KCNQ1: variants seen among roughly 807,000 people sequenced by gnomAD.
KCNQ1 encodes potassium voltage-gated channel subfamily Q member 1.
A neutral mutation model predicts 72.4 loss-of-function variants in KCNQ1; 49 were observed. That is an observed-to-expected ratio of 0.68 (90% CI 0.54 to 0.86). The LOEUF is 0.86. Among genes scored for constraint, KCNQ1 ranks in the 40% least tolerant of loss-of-function variants. KCNQ1 has a pLI of 0.00. For missense variants in KCNQ1, 790 were observed against 945.1 expected, an observed-to-expected ratio of 0.84 and a Z score of 2.15; for synonymous variants, 450 against 412.6, an observed-to-expected ratio of 1.09 and a Z score of -1.10.
chr11:2,700,736 C>G (rs995371012), intron 11 of KCNQ1, among the ~76,000 whole-genome samples: 1 of 152,114 alleles, frequency 6.6e-6, no homozygotes, highest in Non-Finnish European at 1.5e-5. Context: ...GAGGGCGCCC[C>G]GCGCCTGCCA....
At position 2,627,374 on chromosome 11, in the gene KCNQ1, C is replaced by A. The variant is rs139835562; in HGVS notation, c.1394-34587C>A. On this transcript the variant is annotated intron_variant, in intron 10 of 15. Transcript: ENST00000155840. This position sits in a 1 kb window ranked among gnomAD's most constrained non-coding sequence, Gnocchi z 4.9. ...AAATTCCAAGTATAGAATATATTAA[C>A]TATAGTCACCAATCTGGACGTTATG... The A allele has an allele frequency of 5.7e-4, 227 of 398,474 alleles. 2 individuals are homozygous for A. In the East Asian group the frequency reaches 7.7e-3, roughly 14 times the overall value. 24.7% of individuals were successfully genotyped at this position (398,474 alleles called of 1,614,324 possible).
rs1195332885 is a variant in KCNQ1, at chr11:2,698,764, G to T, written c.1514+36683G>T. On this transcript the variant is annotated intron_variant, in intron 11 of 15. Coordinates refer to ENST00000155840, the MANE Select transcript of KCNQ1 (RefSeq NM_000218.3). The surrounding 1 kb of genome is among the most constrained non-coding windows in gnomAD (Gnocchi z 5.1). The stretch of plus-strand genomic sequence containing the variant: ...GATCTCAACTCAGAGCCATGATGCA[G>T]ACTCCAGACCGGGATTCAGGTCCCC... The T allele has an allele frequency of 5.0e-6, 2 of 398,702 alleles. No homozygotes were observed. The highest frequency in any genetic ancestry group is 4.4e-6 in the Non-Finnish European group (1 of 226,146). 24.7% of individuals were successfully genotyped at this position (398,702 alleles called of 1,614,324 possible).
chr11:2,737,305 G>A (rs575351191), intron 11 of KCNQ1, among the ~76,000 whole-genome samples: 3 of 152,302 alleles, frequency 2.0e-5, no homozygotes, highest in Non-Finnish European at 4.4e-5. Flanking sequence ...GCTGCCGTGT[G>A]GGTGGATGTC....
intron 15 of KCNQ1, among the ~76,000 whole-genome samples, chr11:2,836,002 C>T (rs532630570): frequency 2.0e-5 from 3 of 151,194 alleles, no homozygotes; most frequent in South Asian, 2.1e-4. Flanking sequence ...TCATAGGAGG[C>T]GGGGCAAAGG....
In KCNQ1 at chr11:2,624,119, G is replaced by A. The variant is rs918577529; in HGVS notation, c.1393+35265G>A. On this transcript the variant is annotated intron_variant, in intron 10 of 15. Transcript: ENST00000155840. This position sits in a 1 kb window ranked among gnomAD's most constrained non-coding sequence, Gnocchi z 4.9. ...TTGAATTTTGGCCATTCTAATAAGC[G>A]TGTAGATATATCACATTTCTTGTTT... 3.3e-5 allele frequency: 13 copies of A among 398,356 alleles called. No individual in the cohort carries two copies. The highest frequency in any genetic ancestry group is 1.3e-4 in the South Asian group (1 of 7,820). The allele number at this position is 398,356 out of a possible 1,614,324, so 24.7% of individuals were successfully genotyped here.
At position 2,715,767 on chromosome 11, in the gene KCNQ1, GC is replaced by G. The variant is rs1851082356; in HGVS notation, c.1515-53075del. On this transcript the variant is annotated intron_variant, in intron 11 of 15. Coordinates refer to ENST00000155840, the MANE Select transcript of KCNQ1 (RefSeq NM_000218.3). The surrounding 1 kb of genome is among the most constrained non-coding windows in gnomAD (Gnocchi z 4.9). The stretch of plus-strand genomic sequence containing the variant: ...CTCTGGCCACATTCCAGCTGGCCCT[GC>G]CTGTGAGGGTTGACCAGCTGGAGCA... 6.6e-6 allele frequency among the ~76,000 whole-genome samples: 1 copy of G among 152,230 alleles called. No homozygotes were observed. The highest frequency in any genetic ancestry group is 2.4e-5 in the African/African-American group (1 of 41,462).
intron 1 of KCNQ1, among the ~76,000 whole-genome samples, chr11:2,467,757 G>A (rs1263411279): frequency 6.6e-6 from 1 of 152,216 alleles, no homozygotes; most frequent in Non-Finnish European, 1.5e-5. Flanking sequence ...TTGCAATGGG[G>A]GCTGTGGGGA....
At chr11:2,742,264 T>C (rs914381656) in intron 11 of KCNQ1, among the ~76,000 whole-genome samples, 4 of 152,168 alleles carry the variant, frequency 2.6e-5, no homozygotes, top group African/African-American at 9.7e-5. Context: ...TCAGCCTCTA[T>C]GAGATGGGCA....
rs367817352 is a variant in KCNQ1 at position 2,445,323 on chromosome 11, T to C, written c.225T>C (p.Val75=). 4.5e-5 allele frequency: 70 copies of C among 1,538,554 alleles called. No individual in the cohort carries two copies. In the East Asian group the frequency reaches 4.7e-4, roughly 10 times the overall value. The change falls in exon 1 of 16, where the codon GTT becomes GTC. Residue 75 remains valine, a synonymous_variant. Coordinates refer to ENST00000155840, the MANE Select transcript of KCNQ1 (RefSeq NM_000218.3). ...CGGCCGCGCCCGCCGCGCCCCCAGT[T>C]GCCTCCGACCTTGGCCCGCGGCCGC... is the stretch of plus-strand genomic sequence containing the variant. ...ASPAAPAAPP[V]ASDLGPRPPV...
chr11:2,656,745 C>G (rs1849856742), intron 10 of KCNQ1: 4 of 398,372 alleles, frequency 1.0e-5, no homozygotes, highest in African/African-American at 8.2e-5. Flanking sequence ...ACTCAGTCTT[C>G]TCTCTCATGG....
chr11:2,804,504 C>T (rs1276007288), intron 15 of KCNQ1, among the ~76,000 whole-genome samples: 1 of 152,192 alleles, frequency 6.6e-6, no homozygotes, highest in Non-Finnish European at 1.5e-5. Flanking sequence ...CCGGCTGCTC[C>T]CCTCAGAGGG....
chr11:2,553,675 A>G (rs1848025763), intron 2 of KCNQ1, among the ~76,000 whole-genome samples: 1 of 151,304 alleles, frequency 6.6e-6, no homozygotes, highest in Non-Finnish European at 1.5e-5. Context: ...ATTTTATTTT[A>G]TTTATTTATT....
In KCNQ1 at chr11:2,471,881, C is replaced by T. The variant is rs1846474927; in HGVS notation, c.386+26397C>T. Among the ~76,000 whole-genome samples the T allele has an allele frequency of 2.7e-5, 4 of 149,024 alleles. No homozygotes were observed. The South Asian group carries it at 6.4e-4, about 24-fold the overall frequency. ...GTGTGTTTATGTATGGGTGTGTGTG[C>T]ACATGTGTATAGGTGTGTGTATGCG... On this transcript the variant is annotated intron_variant, in intron 1 of 15. Coordinates refer to ENST00000155840, the MANE Select transcript of KCNQ1 (RefSeq NM_000218.3). This position sits in a 1 kb window ranked among gnomAD's most constrained non-coding sequence, Gnocchi z 4.8.
intron 11 of KCNQ1, chr11:2,681,435 G>A: frequency 2.5e-6 from 1 of 398,470 alleles, no homozygotes; most frequent in African/African-American, 2.1e-5. Context: ...CAGCTCTAGG[G>A]GATTTTGGGA....
rs1437487122 is a variant in KCNQ1, at chr11:2,642,998, T to G, written c.1394-18963T>G. 1 of 397,890 alleles carries G rather than the reference T, an allele frequency of 2.5e-6. No individual in the cohort carries two copies. The highest frequency in any genetic ancestry group is 4.4e-5 in the Admixed American group (1 of 22,704). 24.6% of individuals were successfully genotyped at this position (397,890 alleles called of 1,614,324 possible). On this transcript the variant is annotated intron_variant, in intron 10 of 15. Transcript: ENST00000155840. This position sits in a 1 kb window ranked among gnomAD's most constrained non-coding sequence, Gnocchi z 4.3. ...CTCCTCTTATTTATTTATAGTTTTA[T>G]GCTATTGTGGTCTGAGAAGATATGT...
Position 2,541,811 on chromosome 11 carries a change from C to T in KCNQ1, c.477+13793C>T, listed in dbSNP as rs1847830089. 6.6e-6 allele frequency among the ~76,000 whole-genome samples: 1 copy of T among 151,944 alleles called. No individual in the cohort carries two copies. Among genetic ancestry groups the T allele is most frequent in the Non-Finnish European group, 1.5e-5 (1 of 68,006 alleles). ...GAGTTTGTAAGAATTTGTAGTTTCT[C>T]CCCAGAGTTCATGGAGCCCCTGTCA... On this transcript the variant is annotated intron_variant, in intron 2 of 15. Transcript: ENST00000155840. This position sits in a 1 kb window ranked among gnomAD's most constrained non-coding sequence, Gnocchi z 4.8.
intron 12 of KCNQ1, among the ~76,000 whole-genome samples, chr11:2,770,790 G>A (rs1846582480): frequency 6.6e-6 from 1 of 152,258 alleles, no homozygotes; most frequent in Non-Finnish European, 1.5e-5. Flanking sequence ...TGCTGGCATG[G>A]AGGGCCTTGC....
intron 11 of KCNQ1, among the ~76,000 whole-genome samples, chr11:2,761,700 C>G (rs1361879629): frequency 6.6e-6 from 1 of 152,208 alleles, no homozygotes; most frequent in Non-Finnish European, 1.5e-5. Flanking sequence ...TCTCTGAGAC[C>G]ACAGGGTGGA....
intron 2 of KCNQ1, among the ~76,000 whole-genome samples, chr11:2,557,422 ATGT>A (rs565513769): frequency 2.6e-5 from 4 of 152,236 alleles, no homozygotes; most frequent in Non-Finnish European, 4.4e-5. Context: ...GGACAGGTAA[ATGT>A]TGTAATCATG....
Sources: allele counts gnomAD v4.1 joint callset (sites outside exome capture counted in the v4.1 genomes callset), GRCh38; gene constraint gnomAD v4.1.1; non-coding constraint Gnocchi (gnomAD v3.1); transcripts MANE v1.5; gene names NCBI Gene and HGNC (gene_info 2026-07-23, HGNC 2026-07-21).